FAT4: variants seen among roughly 807,000 people sequenced by gnomAD.
The protein encoded by FAT4 is FAT atypical cadherin 4, also known as protocadherin Fat 4.
Under a neutral mutation model 303.9 loss-of-function variants are expected in FAT4, and 84 were observed. That is an observed-to-expected ratio of 0.28 (90% confidence interval 0.23 to 0.33). The LOEUF (loss-of-function observed/expected upper bound fraction) is 0.33. Among genes scored for constraint, FAT4 ranks in the 10% least tolerant of loss-of-function variants. The pLI is 1.00. For missense variants in FAT4, 6,005 were observed against 6,146.8 expected, an observed-to-expected ratio of 0.98 and a Z score of 0.77; for synonymous variants, 2,307 against 2,298.8, an observed-to-expected ratio of 1.00 and a Z score of -0.10.
chr4:125,342,213 C>A (rs1394564857), intron 2 of FAT4, among the ~76,000 whole-genome samples: 1 of 151,874 alleles, frequency 6.6e-6, no homozygotes, highest in African/African-American at 2.4e-5. Flanking sequence ...ATAATTTTAA[C>A]TTTTGATCTA....
intron 2 of FAT4, among the ~76,000 whole-genome samples, chr4:125,347,723 T>C (rs1732058493): frequency 6.6e-6 from 1 of 151,810 alleles, no homozygotes; most frequent in Non-Finnish European, 1.5e-5. Flanking sequence ...TTTTTAAAAA[T>C]TAATACAGAT....
chr4:125,342,119 G>T (rs974116168), intron 2 of FAT4, among the ~76,000 whole-genome samples: 4 of 151,812 alleles, frequency 2.6e-5, no homozygotes, highest in Non-Finnish European at 5.9e-5. Flanking sequence ...ATTGAATGTT[G>T]GTTGAATGAT....
chr4:125,476,051 G>A, intron 12 of FAT4, 120 bp from the exon 13 acceptor site: 1 of 491,418 alleles, frequency 2.0e-6, no homozygotes. Flanking sequence ...ATTAAATCAA[G>A]ATGTTATCAT....
At chr4:125,463,719 GT>G in intron 11 of FAT4, 52 bp downstream of exon 11, 1 of 1,293,026 alleles carries the variant, frequency 7.7e-7, no homozygotes, top group Non-Finnish European at 1.1e-6. Context: ...TTTGCACACA[GT>G]TTAGCAATTT....
chr4:125,404,039 T>C (rs1734491742), intron 3 of FAT4, among the ~76,000 whole-genome samples: 1 of 152,156 alleles, frequency 6.6e-6, no homozygotes, highest in African/African-American at 2.4e-5. Context: ...TGCCCTGGAA[T>C]TGATGTGCTC....
At chr4:125,423,151 C>G (rs1295147736) in intron 7 of FAT4, among the ~76,000 whole-genome samples, 1 of 152,142 alleles carries the variant, frequency 6.6e-6, no homozygotes, top group Non-Finnish European at 1.5e-5. Context: ...AACCCATTTT[C>G]TGGGGAGAAA....
At chr4:125,386,513 A>G (rs1733756309) in intron 2 of FAT4, among the ~76,000 whole-genome samples, 1 of 152,076 alleles carries the variant, frequency 6.6e-6, no homozygotes, top group Non-Finnish European at 1.5e-5. Context: ...CAAGTAATCC[A>G]CCTACCTTGG....
chr4:125,318,791 A>C lies in FAT4; in HGVS notation c.2380A>C (p.Ser794Arg). The change falls in exon 2 of 18, where the codon AGT becomes CGT. Residue 794 changes from serine (S) to arginine (R), a missense_variant. Physicochemically the swap from Ser to Arg is moderately radical, Grantham distance 110. Transcript: ENST00000394329. ...LDTQDNPPVF[S>R]QVAYSFVVFE... The stretch of plus-strand genomic sequence containing the variant: ...CACTCAAGACAACCCACCTGTATTC[A>C]GTCAGGTTGCCTACAGCTTTGTGGT... 6.2e-7 allele frequency: 1 copy of C among 1,614,202 alleles called. No homozygotes were observed. Among genetic ancestry groups the C allele is most frequent in the Non-Finnish European group, 8.5e-7 (1 of 1,180,018 alleles).
At chr4:125,466,324 TGTAA>T (rs778199861) in intron 11 of FAT4, among the ~76,000 whole-genome samples, 25 of 152,120 alleles carry the variant, frequency 1.6e-4, no homozygotes, top group African/African-American at 2.7e-4. Flanking sequence ...TGAATTAAAA[TGTAA>T]GTATCTATAT....
Position 125,490,318 on chromosome 4 carries a change from C to G in FAT4, c.13502C>G (p.Ser4501Cys), listed in dbSNP as rs1727576561. Residue 4501 changes from serine (S) to cysteine (C), a missense_variant, in exon 18 of 18, where the codon TCT (serine) becomes TGT (cysteine). Ser to Cys is a moderately radical substitution (Grantham distance 112). Coordinates refer to ENST00000394329, the MANE Select transcript of FAT4 (RefSeq NM_001291303.3). ...CTGAGTCAGGGCCCTGAAGAGATCT[C>G]TCTGCCTTTGTGGGCTGTGCCTGCC... is the stretch of plus-strand genomic sequence containing the variant. ...CVLSQGPEEI[S>C]LPLWAVPAIV... 1 of 1,614,048 alleles carries G rather than the reference C, an allele frequency of 6.2e-7. No individual in the cohort carries two copies. The highest frequency in any genetic ancestry group is 1.3e-5 in the African/African-American group (1 of 74,918).
At chr4:125,462,032 T>C (rs1163516718) in intron 10 of FAT4, among the ~76,000 whole-genome samples, 1 of 152,004 alleles carries the variant, frequency 6.6e-6, no homozygotes, top group Non-Finnish European at 1.5e-5. Context: ...GCCTTAACAA[T>C]ACAAAGGTAT....
intron 10 of FAT4, among the ~76,000 whole-genome samples, chr4:125,459,489 C>T (rs373828037): frequency 1.3e-5 from 2 of 152,030 alleles, no homozygotes; most frequent in African/African-American, 4.8e-5. Flanking sequence ...TTAAGCTATT[C>T]CCACTTTCCA....
chr4:125,387,590 T>A (rs976118937), intron 2 of FAT4, among the ~76,000 whole-genome samples: 1 of 152,134 alleles, frequency 6.6e-6, no homozygotes, highest in African/African-American at 2.4e-5. Flanking sequence ...CCTCTAATCT[T>A]TGGATTGTTG....
intron 2 of FAT4, among the ~76,000 whole-genome samples, chr4:125,389,718 G>A (rs1299423740): frequency 6.6e-6 from 1 of 152,066 alleles, no homozygotes; most frequent in Admixed American, 6.6e-5. Context: ...CAAACTTTCA[G>A]TAATACCATC....
intron 8 of FAT4, among the ~76,000 whole-genome samples, chr4:125,441,552 A>G (rs930138135): frequency 6.6e-6 from 1 of 152,210 alleles, no homozygotes; most frequent in Non-Finnish European, 1.5e-5. Context: ...GCCTAGTTAT[A>G]TTTCATAATT....
At chr4:125,330,026 ATCT>A (rs987547595) in intron 2 of FAT4, among the ~76,000 whole-genome samples, 2 of 152,164 alleles carry the variant, frequency 1.3e-5, no homozygotes, top group African/African-American at 2.4e-5. Context: ...TATTGAAGAC[ATCT>A]TCTTGTTGAT....
intron 2 of FAT4, among the ~76,000 whole-genome samples, chr4:125,354,333 T>C (rs1398728343): frequency 6.6e-6 from 1 of 151,812 alleles, no homozygotes; most frequent in African/African-American, 2.4e-5. Flanking sequence ...CTTTTGGATA[T>C]GTTTTTGATT....
At chr4:125,433,561 G>A (rs532321068) in intron 7 of FAT4, among the ~76,000 whole-genome samples, 6 of 152,294 alleles carry the variant, frequency 3.9e-5, no homozygotes, top group African/African-American at 1.4e-4. Context: ...TTTGGCAAAT[G>A]TTGGGTTTTC....
chr4:125,412,146 C>A (rs1268717661), intron 5 of FAT4, among the ~76,000 whole-genome samples: 1 of 151,708 alleles, frequency 6.6e-6, no homozygotes, highest in Non-Finnish European at 1.5e-5. Context: ...ATGGTCTGAG[C>A]TTAGTATTTT....
Sources: allele counts gnomAD v4.1 joint callset (sites outside exome capture counted in the v4.1 genomes callset), GRCh38; gene constraint gnomAD v4.1.1; transcripts MANE v1.5; gene names NCBI Gene and HGNC (gene_info 2026-07-23, HGNC 2026-07-21).